TAFA1: variants seen among roughly 807,000 people sequenced by gnomAD.
TAFA1 encodes TAFA chemokine like family member 1, also known as chemokine-like protein TAFA-1.
In TAFA1, 4 loss-of-function variants were observed where a neutral mutation model predicts 18.5. That is an observed-to-expected ratio of 0.22 (90% CI 0.11 to 0.49). The LOEUF is 0.49. Among genes scored for constraint, TAFA1 ranks in the 20% least tolerant of loss-of-function variants. TAFA1 has a pLI of 0.98. For missense variants in TAFA1, 147 were observed against 169.0 expected, an observed-to-expected ratio of 0.87 and a Z score of 0.72; for synonymous variants, 56 against 55.2, an observed-to-expected ratio of 1.01 and a Z score of -0.06.
At chr3:68,515,164 G>A (rs1476638655) in intron 3 of TAFA1, among the ~76,000 whole-genome samples, 2 of 152,110 alleles carry the variant, frequency 1.3e-5, no homozygotes, top group African/African-American at 4.8e-5. Flanking sequence ...TAGTGTCAGG[G>A]CTGTAGGATT....
intron 2 of TAFA1, among the ~76,000 whole-genome samples, chr3:68,351,000 G>A (rs891450014): frequency 1.3e-5 from 2 of 152,224 alleles, no homozygotes; most frequent in South Asian, 2.1e-4. Flanking sequence ...CTCCTAACAG[G>A]TGGCTTACCT....
intron 3 of TAFA1, among the ~76,000 whole-genome samples, chr3:68,417,859 C>A (rs903935444): frequency 3.9e-5 from 6 of 152,082 alleles, no homozygotes. Context: ...GAGAAGCAAG[C>A]AAGTCTTACA....
chr3:68,094,894 A>G (rs1287897387), intron 2 of TAFA1, among the ~76,000 whole-genome samples: 1 of 152,186 alleles, frequency 6.6e-6, no homozygotes, highest in Non-Finnish European at 1.5e-5. Context: ...TTGGTCCTCT[A>G]TCATAACTGG....
chr3:68,461,360 CAT>C lies in TAFA1; in HGVS notation c.259+43959_259+43960del, dbSNP rs5849840. 4.3e-4 allele frequency among the ~76,000 whole-genome samples: 46 copies of C among 106,574 alleles called. 1 individual carries two copies. The highest frequency in any genetic ancestry group is 1.6e-3 in the East Asian group (4 of 2,438). The allele number at this position is 106,574 out of a possible 152,430, so 69.9% of individuals were successfully genotyped here. ...GAAGGAACCCAGGCCAATGAAAGTG[CAT>C]ATATATATATATATATATGTATGTA... On this transcript the variant is annotated intron_variant, in intron 3 of 4. Transcript: ENST00000478136.
chr3:68,128,530 G>A (rs1006358907), intron 2 of TAFA1, among the ~76,000 whole-genome samples: 5 of 152,202 alleles, frequency 3.3e-5, no homozygotes, highest in Admixed American at 1.3e-4. Context: ...AGAATAAGGT[G>A]TGATTTTAAA....
At chr3:68,171,953 T>C (rs1192700090) in intron 2 of TAFA1, among the ~76,000 whole-genome samples, 1 of 152,054 alleles carries the variant, frequency 6.6e-6, no homozygotes, top group Admixed American at 6.6e-5. Flanking sequence ...AATGTGTGTG[T>C]TTAAACCTTA....
chr3:68,372,789 GA>G (rs1304409835), intron 2 of TAFA1, among the ~76,000 whole-genome samples: 3 of 151,362 alleles, frequency 2.0e-5, no homozygotes, highest in Non-Finnish European at 4.4e-5. Context: ...TTAGCACTAA[GA>G]AAAAAAATCA....
At chr3:68,306,293 G>T (rs554012453) in intron 2 of TAFA1, among the ~76,000 whole-genome samples, 1 of 152,248 alleles carries the variant, frequency 6.6e-6, no homozygotes, top group East Asian at 1.9e-4. Context: ...TATTGGGTGG[G>T]ATTTTTTTCC....
chr3:68,397,557 C>G (rs1226095592), intron 2 of TAFA1, among the ~76,000 whole-genome samples: 5 of 152,176 alleles, frequency 3.3e-5, no homozygotes, highest in Admixed American at 6.6e-5. Flanking sequence ...TTTATCCAGT[C>G]TATCATTGAT....
intron 2 of TAFA1, among the ~76,000 whole-genome samples, chr3:68,025,095 C>T (rs750566149): frequency 6.6e-6 from 1 of 152,118 alleles, no homozygotes; most frequent in Non-Finnish European, 1.5e-5. Context: ...ACACCTATTC[C>T]ATCCATACCT....
At chr3:68,354,033 C>T (rs2069318361) in intron 2 of TAFA1, among the ~76,000 whole-genome samples, 1 of 151,922 alleles carries the variant, frequency 6.6e-6, no homozygotes. Flanking sequence ...GTGGGTTCTC[C>T]CTGTATATAT....
intron 2 of TAFA1, among the ~76,000 whole-genome samples, chr3:68,293,944 G>C (rs1481084154): frequency 6.6e-6 from 1 of 152,184 alleles, no homozygotes; most frequent in African/African-American, 2.4e-5. Flanking sequence ...TCAAAGTGCA[G>C]AGAATGTCTC....
At chr3:68,108,257 G>A (rs2065225357) in intron 2 of TAFA1, among the ~76,000 whole-genome samples, 1 of 152,030 alleles carries the variant, frequency 6.6e-6, no homozygotes. Flanking sequence ...AGCTGTGAGA[G>A]CTCCTTTTGA....
At chr3:68,221,906 A>G (rs1239079787) in intron 2 of TAFA1, among the ~76,000 whole-genome samples, 2 of 152,218 alleles carry the variant, frequency 1.3e-5, no homozygotes, top group Non-Finnish European at 2.9e-5. Flanking sequence ...AAATAGAATG[A>G]AAATCCATGG....
intron 2 of TAFA1, among the ~76,000 whole-genome samples, chr3:68,079,554 C>T (rs1294066311): frequency 2.0e-5 from 3 of 151,946 alleles, no homozygotes; most frequent in African/African-American, 7.3e-5. Context: ...TTATTTCTGC[C>T]TTCATTTCGT....
At chr3:68,134,170 G>A (rs1035341327) in intron 2 of TAFA1, among the ~76,000 whole-genome samples, 2 of 151,866 alleles carry the variant, frequency 1.3e-5, no homozygotes, top group South Asian at 2.1e-4. Context: ...CAAAAGGGAA[G>A]AGTGAATATG....
At chr3:68,387,543 A>G (rs927361871) in intron 2 of TAFA1, among the ~76,000 whole-genome samples, 2 of 152,192 alleles carry the variant, frequency 1.3e-5, no homozygotes, top group Admixed American at 6.5e-5. Context: ...TCAACCTTCA[A>G]CAAGCATTTA....
At chr3:68,249,049 C>T (rs1277066853) in intron 2 of TAFA1, among the ~76,000 whole-genome samples, 3 of 152,086 alleles carry the variant, frequency 2.0e-5, no homozygotes, top group Non-Finnish European at 4.4e-5. Context: ...TCTTCTTCAG[C>T]CTCTTGAACC....
intron 3 of TAFA1, among the ~76,000 whole-genome samples, chr3:68,527,364 A>G (rs892420994): frequency 1.3e-5 from 2 of 152,146 alleles, no homozygotes; most frequent in Admixed American, 6.5e-5. Context: ...TCAAAATAGG[A>G]CATGTACCCC....
Sources: allele counts gnomAD v4.1 joint callset (sites outside exome capture counted in the v4.1 genomes callset), GRCh38; gene constraint gnomAD v4.1.1; transcripts MANE v1.5; gene names NCBI Gene and HGNC (gene_info 2026-07-23, HGNC 2026-07-21).